The following MUSK variants were observed in gnomAD, a reference collection of about 807,000 sequenced individuals.
The protein encoded by MUSK is muscle, skeletal receptor tyrosine-protein kinase.
A neutral mutation model predicts 88.7 loss-of-function variants in MUSK; 55 were observed. The observed-to-expected ratio is 0.62, with a 90% CI of 0.50 to 0.78. The LOEUF (loss-of-function observed/expected upper bound fraction) is 0.78, where lower values mean the gene tolerates loss of function less well. Among genes scored for constraint, MUSK ranks in the 30% least tolerant of loss-of-function variants. MUSK has a pLI of 0.00. For synonymous variants in MUSK, 387 were observed against 391.9 expected, an observed-to-expected ratio of 0.99 and a Z score of 0.15; for missense variants, 1,015 against 1,074.3, an observed-to-expected ratio of 0.94 and a Z score of 0.77.
At chr9:110,689,991 T>C (rs1207076001) in intron 3 of MUSK, among the ~76,000 whole-genome samples, 1 of 11,746 alleles carries the variant, frequency 8.5e-5, no homozygotes, top group African/African-American at 4.9e-4. Context: ...AATATTATAA[T>C]TATATATTAT....
rs1007037770 is a variant in MUSK, at chr9:110,767,741, A to G, written c.921-79A>G. On this transcript the variant is annotated intron_variant, in intron 8 of 14. Coordinates refer to ENST00000374448, the MANE Select transcript of MUSK (RefSeq NM_005592.4). ...CCTATTTCTGAGACACAGATGTGAA[A>G]ACCAAAAAAAAAAAGAAAAGCAGAA... 2.1e-5 allele frequency: 33 copies of G among 1,560,782 alleles called. No homozygotes were observed. The African/African-American group carries it at 4.5e-4, about 21-fold the overall frequency.
chr9:110,748,338 A>C (rs999995594), intron 7 of MUSK, among the ~76,000 whole-genome samples: 1 of 151,976 alleles, frequency 6.6e-6, no homozygotes, highest in African/African-American at 2.4e-5. Flanking sequence ...GGTCATGCCA[A>C]TTTCTGCATG....
intron 7 of MUSK, among the ~76,000 whole-genome samples, chr9:110,751,881 T>C (rs1425949725): frequency 6.6e-6 from 1 of 152,100 alleles, no homozygotes; most frequent in Non-Finnish European, 1.5e-5. Flanking sequence ...CGGAGTCAAG[T>C]AAAGAAATGA....
rs940823597 is a variant in MUSK at position 110,734,283 on chromosome 9, C to T, written c.661C>T (p.His221Tyr). 6.2e-7 allele frequency: 1 copy of T among 1,612,944 alleles called. No individual in the cohort carries two copies. The highest frequency in any genetic ancestry group is 2.2e-5 in the East Asian group (1 of 44,816). The change falls in exon 6 of 15, where the codon CAC (histidine) becomes TAC (tyrosine). Residue 221 changes from histidine to tyrosine, a missense_variant. His to Tyr is a moderately conservative substitution (Grantham distance 83). Coordinates refer to ENST00000374448, the MANE Select transcript of MUSK (RefSeq NM_005592.4). Reference protein sequence around the residue: ...FARILRAPESHNVTFGSFVTL... With the variant: ...FARILRAPESYNVTFGSFVTL... ...CAGGATCCTGCGGGCTCCTGAATCC[C>T]ACAATGTCACCTTTGGCTCCTTTGT... is the stretch of plus-strand genomic sequence containing the variant.
chr9:110,712,264 T>C (rs1341803225), intron 5 of MUSK, among the ~76,000 whole-genome samples: 1 of 152,164 alleles, frequency 6.6e-6, no homozygotes, highest in Non-Finnish European at 1.5e-5. Context: ...TTATTTTCTT[T>C]TACTTTATTT....
chr9:110,712,818 A>T (rs926317308), intron 5 of MUSK, among the ~76,000 whole-genome samples: 27 of 152,232 alleles, frequency 1.8e-4, no homozygotes, highest in Non-Finnish European at 3.2e-4. Flanking sequence ...ATTCTTAAGG[A>T]TACAGACGAA....
At position 110,805,876 on chromosome 9, in the gene MUSK, CTGTT is replaced by C. The variant is rs1437601914; in HGVS notation, c.*4889_*4892del. ...AATTAAAAGTTTATCATTTTCATCT[CTGTT>C]AGAGTTTTGTATTGGCATTAGCATT... On this transcript the variant is annotated 3_prime_UTR_variant, in exon 15 of 15. Transcript: ENST00000374448. Among the ~76,000 whole-genome samples, 1 of 151,930 alleles carries C rather than the reference CTGTT, an allele frequency of 6.6e-6. No individual in the cohort carries two copies. The highest frequency in any genetic ancestry group is 1.9e-4 in the East Asian group (1 of 5,188).
At position 110,801,680 on chromosome 9, in the gene MUSK, G is replaced by A. The variant is rs1041545920; in HGVS notation, c.*692G>A. On this transcript the variant is annotated 3_prime_UTR_variant, in exon 15 of 15. Transcript: ENST00000374448. ...TTTTTCCTTTCTGTGCATTTGTCAT[G>A]AATTAAGTCTGCTTATTTTATTCCT... is the stretch of plus-strand genomic sequence containing the variant. The A allele has an allele frequency of 2.0e-5, 3 of 152,090 alleles. No homozygotes were observed. The highest frequency in any genetic ancestry group is 7.2e-5 in the African/African-American group (3 of 41,404). The allele number at this position is 152,090 out of a possible 1,614,324, so 9.4% of individuals were successfully genotyped here. A position where few individuals can be genotyped will look rare whatever the true frequency, so the allele number is the denominator to read the frequency against.
rs1200922660 is a variant in MUSK at position 110,800,744 on chromosome 9, G to C, written c.2366G>C (p.Gly789Ala). 6.2e-7 allele frequency: 1 copy of C among 1,613,990 alleles called. No individual in the cohort carries two copies. Among genetic ancestry groups the C allele is most frequent in the African/African-American group, 1.3e-5 (1 of 75,024 alleles). Residue 789 changes from glycine (G) to alanine (A), a missense_variant, in exon 15 of 15, where the codon GGC becomes GCC. Gly to Ala is a moderately conservative substitution (Grantham distance 60, BLOSUM62 0). Coordinates refer to ENST00000374448, the MANE Select transcript of MUSK (RefSeq NM_005592.4). ...YTTESDVWAYGVVLWEIFSYG... is the reference protein window; with the variant it reads ...YTTESDVWAYAVVLWEIFSYG... The stretch of plus-strand genomic sequence containing the variant: ...ACAGAGTCTGATGTGTGGGCCTATG[G>C]CGTGGTCCTCTGGGAGATCTTCTCC...
At chr9:110,730,179 A>G (rs1469107856) in intron 5 of MUSK, among the ~76,000 whole-genome samples, 1 of 150,268 alleles carries the variant, frequency 6.7e-6, no homozygotes, top group Non-Finnish European at 1.5e-5. Context: ...AGATCCCATG[A>G]GAGAAAACCC....
chr9:110,739,880 A>G (rs1340502667), intron 6 of MUSK, among the ~76,000 whole-genome samples: 1 of 152,076 alleles, frequency 6.6e-6, no homozygotes, highest in East Asian at 1.9e-4. Flanking sequence ...GGCTATTTTC[A>G]GTTTTCATTT....
intron 1 of MUSK, among the ~76,000 whole-genome samples, chr9:110,676,348 AT>A: frequency 2.2e-5 from 3 of 139,510 alleles, no homozygotes; most frequent in African/African-American, 7.9e-5. Context: ...ACACACATAT[AT>A]TATATATTAT....
chr9:110,690,220 G>GTATAAATATATAAATA lies in MUSK; in HGVS notation c.358+2964_358+2965insAATATATAAATATATA, dbSNP rs1183174137. 3.8e-5 allele frequency among the ~76,000 whole-genome samples: 2 copies of GTATAAATATATAAATA among 53,194 alleles called. 1 individual carries two copies. The highest frequency in any genetic ancestry group is 1.3e-4 in the African/African-American group (2 of 15,080). The allele number at this position is 53,194 out of a possible 152,430, so 34.9% of individuals were successfully genotyped here. On this transcript the variant is annotated intron_variant, in intron 3 of 14. Coordinates refer to ENST00000374448, the MANE Select transcript of MUSK (RefSeq NM_005592.4). ...TAAATATATATAAATATATATTTAAGTATAAATATATATTTAAGTATATAT... is the reference window on the plus strand; with the variant it reads ...TAAATATATATAAATATATATTTAAGTATAAATATATAAATATATAAATATATATTTAAGTATATAT...
chr9:110,741,291 A>G (rs1222122287), intron 6 of MUSK, among the ~76,000 whole-genome samples: 1 of 151,682 alleles, frequency 6.6e-6, no homozygotes, highest in South Asian at 2.1e-4. Context: ...CCAATAAGCT[A>G]AAAAAAATTA....
At chr9:110,694,939 A>G (rs915441556) in intron 3 of MUSK, among the ~76,000 whole-genome samples, 11 of 152,140 alleles carry the variant, frequency 7.2e-5, no homozygotes, top group Non-Finnish European at 1.6e-4. Flanking sequence ...AATAATCATA[A>G]AATTTAATAG....
At chr9:110,755,156 A>C (rs1025243474) in intron 7 of MUSK, among the ~76,000 whole-genome samples, 6 of 152,160 alleles carry the variant, frequency 3.9e-5, no homozygotes, top group African/African-American at 1.4e-4. Context: ...TGTTTCCTTC[A>C]TAGTCACTCC....
At chr9:110,798,954 G>C (rs1017815819) in intron 14 of MUSK, among the ~76,000 whole-genome samples, 1 of 151,910 alleles carries the variant, frequency 6.6e-6, no homozygotes, top group Non-Finnish European at 1.5e-5. Flanking sequence ...GAAATATTTT[G>C]TCATTTTTTT....
chr9:110,753,548 CCAT>C (rs1285462765), intron 7 of MUSK, among the ~76,000 whole-genome samples: 1 of 151,940 alleles, frequency 6.6e-6, no homozygotes, highest in Admixed American at 6.6e-5. Flanking sequence ...AGAGTGCAGT[CCAT>C]GGTTCTATCC....
At chr9:110,708,318 C>T (rs576175587) in intron 5 of MUSK, among the ~76,000 whole-genome samples, 12 of 152,172 alleles carry the variant, frequency 7.9e-5, no homozygotes, top group Non-Finnish European at 1.6e-4. Flanking sequence ...TTTGTTTATG[C>T]TGCAGCTCTT....
Sources: gnomAD v4.1 joint callset for allele counts (sites outside exome capture counted in the v4.1 genomes callset) on GRCh38, gnomAD v4.1.1 for gene constraint, MANE v1.5 for transcripts, NCBI Gene and HGNC (gene_info 2026-07-23, HGNC 2026-07-21) for gene names.